Variants in ZMIZ1 observed in about 807,000 individuals in gnomAD.
ZMIZ1 encodes the protein zinc finger MIZ-type containing 1, also known as zinc finger MIZ domain-containing protein 1.
ZMIZ1 carries 17 observed loss-of-function variants against 113.9 expected under a neutral mutation model. That is an observed-to-expected ratio of 0.15 (90% CI 0.10 to 0.22). The LOEUF is 0.22. Ranked by LOEUF, ZMIZ1 falls within the 10% of genes least tolerant of loss-of-function variation. The pLI is 1.00. For synonymous variants in ZMIZ1, 607 were observed against 603.1 expected (o/e 1.01, Z -0.09); for missense variants, 1,059 against 1,477.8 (o/e 0.72, Z 4.65).
chr10:79,106,376 T>C (rs1843559751), intron 1 of ZMIZ1, among the ~76,000 whole-genome samples: 1 of 152,232 alleles, frequency 6.6e-6, no homozygotes, highest in Non-Finnish European at 1.5e-5. Flanking sequence ...GAATAGCAAT[T>C]CTGAGGCTAC....
intron 7 of ZMIZ1, among the ~76,000 whole-genome samples, chr10:79,252,224 C>T (rs1441013444): frequency 6.6e-6 from 1 of 152,182 alleles, no homozygotes; most frequent in Non-Finnish European, 1.5e-5. Flanking sequence ...CCCACCCTGC[C>T]TAGAATTAAG....
Position 79,303,920 on chromosome 10 carries a change from C to T in ZMIZ1, c.2126-95C>T, listed in dbSNP as rs1021567676. The T allele has an allele frequency of 2.6e-6, 4 of 1,529,932 alleles. No homozygotes were observed. The African/African-American group carries it at 4.1e-5, about 16-fold the overall frequency. 94.8% of individuals were successfully genotyped at this position (1,529,932 alleles called of 1,614,324 possible). ...GGCTGGGAGGAGAACCAGGACATGCCCCAGCTGCACGAGGAAGTGGGGAGC... is the reference window on the plus strand; with the variant it reads ...GGCTGGGAGGAGAACCAGGACATGCTCCAGCTGCACGAGGAAGTGGGGAGC... On this transcript the variant is annotated intron_variant, in intron 18 of 24. Transcript: ENST00000334512.
intron 15 of ZMIZ1, 41 bp downstream of exon 15, chr10:79,298,621 C>A (rs373518749): frequency 6.5e-6 from 10 of 1,539,738 alleles, no homozygotes; most frequent in Non-Finnish European, 8.8e-6. Context: ...TCCACCTGGG[C>A]CCCCCAGTGG....
chr10:79,082,547 T>C (rs575670670), intron 1 of ZMIZ1, among the ~76,000 whole-genome samples: 1 of 152,296 alleles, frequency 6.6e-6, no homozygotes, highest in African/African-American at 2.4e-5. Context: ...GCCCTTCTCA[T>C]CCCATTTCCC....
chr10:79,143,560 G>C (rs150138382), intron 3 of ZMIZ1, among the ~76,000 whole-genome samples: 2 of 152,200 alleles, frequency 1.3e-5, no homozygotes, highest in Non-Finnish European at 2.9e-5. Context: ...TGCAGGGCTC[G>C]AGTCAGGGTG....
At chr10:79,094,125 G>C (rs552340393) in intron 1 of ZMIZ1, among the ~76,000 whole-genome samples, 1 of 152,212 alleles carries the variant, frequency 6.6e-6, no homozygotes, top group Non-Finnish European at 1.5e-5. Context: ...TGGACAGAAA[G>C]GGCCTAATTG....
At chr10:79,238,050 C>A (rs750275419) in intron 7 of ZMIZ1, among the ~76,000 whole-genome samples, 3 of 152,232 alleles carry the variant, frequency 2.0e-5, no homozygotes, top group Non-Finnish European at 4.4e-5. Flanking sequence ...CAAGCCCTAC[C>A]GGCTCCCCGC....
intron 1 of ZMIZ1, among the ~76,000 whole-genome samples, chr10:79,103,533 G>A (rs1379998857): frequency 1.3e-5 from 2 of 152,138 alleles, no homozygotes; most frequent in African/African-American, 4.8e-5. Flanking sequence ...TGGGTGGGTG[G>A]GGGTGGAGAG....
chr10:79,088,089 A>G (rs983086543), intron 1 of ZMIZ1, among the ~76,000 whole-genome samples: 5 of 152,216 alleles, frequency 3.3e-5, no homozygotes, highest in East Asian at 1.9e-4. Context: ...GACCATGTGC[A>G]TGGTCTGACC....
intron 7 of ZMIZ1, among the ~76,000 whole-genome samples, chr10:79,246,985 G>T (rs1850243470): frequency 1.3e-5 from 2 of 152,216 alleles, no homozygotes. Context: ...TGATTTCATT[G>T]TGCCTGCTGC....
chr10:79,112,811 C>A (rs985275949), intron 1 of ZMIZ1, among the ~76,000 whole-genome samples: 11 of 152,218 alleles, frequency 7.2e-5, no homozygotes, highest in African/African-American at 2.7e-4. Flanking sequence ...TTATATCTTT[C>A]ACAACTTAGC....
intron 5 of ZMIZ1, among the ~76,000 whole-genome samples, chr10:79,203,252 G>T (rs1262684004): frequency 6.6e-6 from 1 of 152,170 alleles, no homozygotes; most frequent in Non-Finnish European, 1.5e-5. Context: ...GAGAACGAGG[G>T]TTGTGTGTCT....
intron 4 of ZMIZ1, among the ~76,000 whole-genome samples, chr10:79,189,063 C>G (rs1336759757): frequency 2.0e-5 from 3 of 152,214 alleles, no homozygotes; most frequent in African/African-American, 7.2e-5. Context: ...AGATGGTGCC[C>G]AGGCAGACTT....
intron 1 of ZMIZ1, among the ~76,000 whole-genome samples, chr10:79,093,655 G>A (rs537585229): frequency 1.3e-5 from 2 of 152,238 alleles, no homozygotes; most frequent in East Asian, 1.9e-4. Flanking sequence ...ACATGCGTAC[G>A]TGATGTGCTC....
chr10:79,168,854 C>T (rs1846479625), intron 4 of ZMIZ1, among the ~76,000 whole-genome samples: 1 of 152,168 alleles, frequency 6.6e-6, no homozygotes, highest in Non-Finnish European at 1.5e-5. Context: ...AGCTGGGCCC[C>T]AGAAAACTTT....
intron 4 of ZMIZ1, among the ~76,000 whole-genome samples, chr10:79,166,520 C>T (rs1846355061): frequency 6.6e-6 from 1 of 152,206 alleles, no homozygotes; most frequent in Non-Finnish European, 1.5e-5. Context: ...GGCTGCTAGC[C>T]CACCCTGCAG....
intron 7 of ZMIZ1, among the ~76,000 whole-genome samples, chr10:79,222,418 A>G (rs905057333): frequency 7.2e-5 from 11 of 152,168 alleles, no homozygotes; most frequent in South Asian, 2.1e-4. Context: ...CCCTGTGGAC[A>G]TGAGTGTTTC....
intron 6 of ZMIZ1, among the ~76,000 whole-genome samples, chr10:79,215,703 G>A (rs73302164): frequency 1.3e-5 from 2 of 152,152 alleles, no homozygotes; most frequent in African/African-American, 4.8e-5. Context: ...TAGCCCTGGA[G>A]TAGGAAGGGC....
chr10:79,095,122 G>A (rs1843128408), intron 1 of ZMIZ1, among the ~76,000 whole-genome samples: 2 of 152,154 alleles, frequency 1.3e-5, no homozygotes, highest in Admixed American at 1.3e-4. Flanking sequence ...CCACTTGTGG[G>A]ACCTTGGGCA....
Sources: allele counts gnomAD v4.1 joint callset (sites outside exome capture counted in the v4.1 genomes callset), GRCh38; gene constraint gnomAD v4.1.1; transcripts MANE v1.5; gene names NCBI Gene and HGNC (gene_info 2026-07-23, HGNC 2026-07-21).